DNAL1: variants seen among roughly 807,000 people sequenced by gnomAD.
The protein encoded by DNAL1 is chromosome 14 open reading frame 168.
Under a neutral mutation model 29.4 loss-of-function variants are expected in DNAL1, and 17 were observed. The observed-to-expected ratio is 0.58, with a 90% CI of 0.40 to 0.87. The LOEUF (loss-of-function observed/expected upper bound fraction) is 0.87. Among genes scored for constraint, DNAL1 ranks in the 40% least tolerant of loss-of-function variants. DNAL1 has a pLI of 0.00. For missense variants in DNAL1, 188 were observed against 214.1 expected (o/e 0.88, Z 0.76); for synonymous variants, 78 against 76.3 (o/e 1.02, Z -0.12).
At chr14:73,662,696 ATC>A (rs1337603508) in intron 4 of DNAL1, among the ~76,000 whole-genome samples, 1 of 151,714 alleles carries the variant, frequency 6.6e-6, no homozygotes, top group East Asian at 1.9e-4. Context: ...TCTGTGTCAA[ATC>A]TCTGTCTGCC....
chr14:73,656,870 A>C (rs1049162017), intron 2 of DNAL1, among the ~76,000 whole-genome samples: 1 of 152,068 alleles, frequency 6.6e-6, no homozygotes, highest in Non-Finnish European at 1.5e-5. Flanking sequence ...CACTGAGTGG[A>C]TATGTATTAG....
At chr14:73,695,808 C>A in intron 7 of DNAL1, 94 bp from the exon 8 acceptor site, 3 of 1,025,818 alleles carry the variant, frequency 2.9e-6, no homozygotes, top group Non-Finnish European at 2.9e-6. Flanking sequence ...GGATTACAGG[C>A]GTGAGCCACC....
chr14:73,679,189 G>T (rs1023010278), intron 5 of DNAL1, among the ~76,000 whole-genome samples: 2 of 151,946 alleles, frequency 1.3e-5, no homozygotes. Flanking sequence ...TAGAGTCAGG[G>T]TTTCACCATA....
At chr14:73,661,788 A>G (rs1347270052) in intron 3 of DNAL1, among the ~76,000 whole-genome samples, 199 bp from the exon 4 acceptor site, 3 of 152,078 alleles carry the variant, frequency 2.0e-5, no homozygotes, top group Non-Finnish European at 4.4e-5. Flanking sequence ...CCTCAAGAAG[A>G]TTTTTTCAAA....
rs1892317760 is a variant in DNAL1, at chr14:73,697,171, T to C, written c.*1229T>C. 1 of 152,176 alleles carries C rather than the reference T, an allele frequency of 6.6e-6. No homozygotes were observed. Among genetic ancestry groups the C allele is most frequent in the South Asian group, 2.1e-4 (1 of 4,834 alleles). The allele number at this position is 152,176 out of a possible 1,614,324, so 9.4% of individuals were successfully genotyped here. On this transcript the variant is annotated 3_prime_UTR_variant, in exon 8 of 8. Coordinates refer to ENST00000553645, the MANE Select transcript of DNAL1 (RefSeq NM_031427.4). The stretch of plus-strand genomic sequence containing the variant: ...AAGCAGATGAGGTCATAGGAGGCCA[T>C]GGCTGGATCACTATTAGATTGCAGA...
chr14:73,667,486 A>T (rs1263528113), intron 4 of DNAL1, among the ~76,000 whole-genome samples: 1 of 152,066 alleles, frequency 6.6e-6, no homozygotes, highest in Non-Finnish European at 1.5e-5. Flanking sequence ...CTAGCCCCAG[A>T]TAAACCAACT....
At chr14:73,682,265 G>T (rs1314371605) in intron 5 of DNAL1, among the ~76,000 whole-genome samples, 3 of 145,884 alleles carry the variant, frequency 2.1e-5, no homozygotes. Context: ...CTGCCTCCCA[G>T]GTTCAAGTGA....
chr14:73,661,183 G>A (rs1891335747), intron 3 of DNAL1, among the ~76,000 whole-genome samples: 1 of 151,772 alleles, frequency 6.6e-6, no homozygotes, highest in Non-Finnish European at 1.5e-5. Context: ...TATATATATT[G>A]TTCTGCTAGA....
intron 4 of DNAL1, among the ~76,000 whole-genome samples, chr14:73,669,134 A>G (rs940979943): frequency 1.3e-5 from 2 of 151,832 alleles, no homozygotes; most frequent in Non-Finnish European, 2.9e-5. Context: ...TGGCCCAATT[A>G]ATTACCTTTT....
chr14:73,658,831 T>A lies in DNAL1; in HGVS notation c.43-16T>A. On this transcript the variant is annotated splice_polypyrimidine_tract_variant and intron_variant, in intron 2 of 7. Coordinates refer to ENST00000553645, the MANE Select transcript of DNAL1 (RefSeq NM_031427.4). ...GCAATCATGGGTTATTTCTTCCAAA[T>A]GTATTTTTCTCATAGGAAGAGAAAA... 2 of 1,581,280 alleles carry A rather than the reference T, an allele frequency of 1.3e-6. No homozygotes were observed. The highest frequency in any genetic ancestry group is 1.7e-6 in the Non-Finnish European group (2 of 1,159,264).
intron 6 of DNAL1, among the ~76,000 whole-genome samples, chr14:73,687,783 A>G (rs921900327): frequency 3.3e-5 from 5 of 151,922 alleles, no homozygotes; most frequent in Non-Finnish European, 7.4e-5. Flanking sequence ...TGAGGCAGGA[A>G]AATGGCGTGA....
In DNAL1 at chr14:73,669,527, G is replaced by A. The variant is rs561666061; in HGVS notation, c.209-2015G>A. 6.8e-4 allele frequency among the ~76,000 whole-genome samples: 104 copies of A among 152,036 alleles called. 1 individual carries two copies. Among genetic ancestry groups the A allele is most frequent in the African/African-American group, 2.5e-3 (103 of 41,474 alleles). On this transcript the variant is annotated intron_variant, in intron 4 of 7. Coordinates refer to ENST00000553645, the MANE Select transcript of DNAL1 (RefSeq NM_031427.4). ...TCTGACCTCGTGATCCACCCGCCTC[G>A]GCCTCCCAAAGTGCTGGGATTACAG... is the stretch of plus-strand genomic sequence containing the variant.
chr14:73,676,144 G>T (rs888237518), intron 5 of DNAL1, among the ~76,000 whole-genome samples: 2 of 151,014 alleles, frequency 1.3e-5, no homozygotes, highest in Admixed American at 6.6e-5. Context: ...TGAGGCACAA[G>T]AATCACTTGA....
At chr14:73,648,390 T>G (rs1211697574) in intron 1 of DNAL1, among the ~76,000 whole-genome samples, 1 of 57,344 alleles carries the variant, frequency 1.7e-5, no homozygotes, top group Non-Finnish European at 3.5e-5. Context: ...CGATGTGTTA[T>G]AACACCTCAT....
intron 5 of DNAL1, among the ~76,000 whole-genome samples, chr14:73,685,068 C>T (rs944620933): frequency 6.6e-6 from 1 of 152,108 alleles, no homozygotes; most frequent in African/African-American, 2.4e-5. Flanking sequence ...TGAGAGGAAC[C>T]TTAAAGAACT....
At chr14:73,662,803 A>C (rs2140034603) in intron 4 of DNAL1, among the ~76,000 whole-genome samples, 1 of 140,806 alleles carries the variant, frequency 7.1e-6, no homozygotes, top group East Asian at 2.0e-4. Context: ...ATATCTGCAA[A>C]GTACTTTTTT....
intron 5 of DNAL1, among the ~76,000 whole-genome samples, chr14:73,677,884 T>TTGTGTGTGTGTGTG (rs566825653): frequency 0.017 from 1,673 of 96,088 alleles, 29 homozygotes; most frequent in Middle Eastern, 0.05. Context: ...ATATATATAT[T>TTGTGTGTGTGTGTG]TGTGTGTGTG....
chr14:73,655,346 C>CTTTTTT (rs780510214), intron 2 of DNAL1, among the ~76,000 whole-genome samples: 1 of 139,192 alleles, frequency 7.2e-6, no homozygotes, highest in African/African-American at 2.6e-5. Flanking sequence ...TTTTTCTTTT[C>CTTTTTT]TTTTTTTTTT....
chr14:73,685,224 T>C (rs115148244), intron 5 of DNAL1, among the ~76,000 whole-genome samples: 1,780 of 152,234 alleles, frequency 0.012, 36 homozygotes, highest in African/African-American at 0.041. Flanking sequence ...TCCAGAACTC[T>C]CTTCATCTTG....
Sources: gnomAD v4.1 joint callset for allele counts (sites outside exome capture counted in the v4.1 genomes callset) on GRCh38, gnomAD v4.1.1 for gene constraint, MANE v1.5 for transcripts, NCBI Gene and HGNC (gene_info 2026-07-23, HGNC 2026-07-21) for gene names.